Variants in ATP9B observed in about 807,000 individuals in gnomAD.
The protein encoded by ATP9B is probable phospholipid-transporting ATPase IIB.
A neutral mutation model predicts 146.1 loss-of-function variants in ATP9B; 110 were observed. That is an observed-to-expected ratio of 0.75 (90% CI 0.65 to 0.88). The LOEUF is 0.88. ATP9B is among the 40% of genes least tolerant of loss of function. The probability of loss-of-function intolerance (pLI) is 0.00; values close to 1 mark genes in which losing one functional copy is unlikely to be tolerated. For missense variants in ATP9B, 1,499 were observed against 1,496.4 expected (o/e 1.00, Z -0.03); for synonymous variants, 604 against 569.7 (o/e 1.06, Z -0.86).
intron 15 of ATP9B, among the ~76,000 whole-genome samples, chr18:79,320,209 A>G (rs184017215): frequency 1.3e-5 from 2 of 152,360 alleles, no homozygotes; most frequent in Non-Finnish European, 2.9e-5. Context: ...ATCGGTGAGC[A>G]CAGTGCACCT....
At chr18:79,316,518 A>G (rs1217582931) in intron 15 of ATP9B, among the ~76,000 whole-genome samples, 1 of 152,096 alleles carries the variant, frequency 6.6e-6, no homozygotes, top group East Asian at 1.9e-4. Flanking sequence ...ACCTCAAAGA[A>G]GCTGTGGCAA....
chr18:79,114,358 G>C (rs1416076243), intron 4 of ATP9B, among the ~76,000 whole-genome samples: 3 of 152,166 alleles, frequency 2.0e-5, no homozygotes, highest in African/African-American at 7.2e-5. Flanking sequence ...AGTGAAAGAA[G>C]AGTGCAGTCC....
At chr18:79,261,741 T>G (rs913410182) in intron 12 of ATP9B, among the ~76,000 whole-genome samples, 2 of 152,198 alleles carry the variant, frequency 1.3e-5, no homozygotes, top group Non-Finnish European at 2.9e-5. Flanking sequence ...AAGGGTGAGA[T>G]GCTGCAGTGC....
chr18:79,296,762 G>T (rs1325756002), intron 13 of ATP9B, among the ~76,000 whole-genome samples: 1 of 152,196 alleles, frequency 6.6e-6, no homozygotes, highest in East Asian at 1.9e-4. Context: ...TTTTTTGGCT[G>T]CTATTTAGGA....
chr18:79,149,363 G>A (rs900298745), intron 6 of ATP9B, among the ~76,000 whole-genome samples: 5 of 152,066 alleles, frequency 3.3e-5, no homozygotes, highest in Non-Finnish European at 7.4e-5. Flanking sequence ...AGACAAAGGT[G>A]TGAAAACAAT....
At chr18:79,267,480 T>C (rs914963304) in intron 12 of ATP9B, among the ~76,000 whole-genome samples, 5 of 152,128 alleles carry the variant, frequency 3.3e-5, no homozygotes, top group Admixed American at 6.5e-5. Flanking sequence ...TTTGTGAATA[T>C]ATGTATTGGA....
chr18:79,184,995 C>A (rs2095292203), intron 8 of ATP9B, among the ~76,000 whole-genome samples: 2 of 150,836 alleles, frequency 1.3e-5, no homozygotes, highest in Admixed American at 6.6e-5. Flanking sequence ...AAAAAAAAAC[C>A]CAAAAAATCC....
rs779049127 is a variant in ATP9B, at chr18:79,330,051, G to A, written c.1975G>A (p.Ala659Thr). ...TAEITFYMKG[A>T]DVAMSPIVQY... is the part of the protein sequence containing the mutation. ...AGAAATCACATTCTACATGAAGGGC[G>A]CTGACGTGGCCATGTCTCCTATCGT... The change falls in exon 17 of 30, where the codon GCT (alanine) becomes ACT (threonine). Residue 659 changes from alanine (A) to threonine (T), a missense_variant. Ala to Thr is a moderately conservative substitution (Grantham distance 58). Transcript: ENST00000426216. 1 of 1,614,134 alleles carries A rather than the reference G, an allele frequency of 6.2e-7. No homozygotes were observed. Among genetic ancestry groups the A allele is most frequent in the Non-Finnish European group, 8.5e-7 (1 of 1,180,002 alleles).
At chr18:79,285,162 T>C (rs1481968978) in intron 13 of ATP9B, among the ~76,000 whole-genome samples, 1 of 151,366 alleles carries the variant, frequency 6.6e-6, no homozygotes, top group Non-Finnish European at 1.5e-5. Context: ...GGTCAAATGG[T>C]ATTTCTAGTT....
chr18:79,322,517 C>G (rs1339283019), intron 15 of ATP9B, among the ~76,000 whole-genome samples: 1 of 152,206 alleles, frequency 6.6e-6, no homozygotes, highest in Non-Finnish European at 1.5e-5. Flanking sequence ...GGCAGTGGGG[C>G]CAAGTGGCTT....
At chr18:79,092,780 G>T (rs1346916022) in intron 1 of ATP9B, among the ~76,000 whole-genome samples, 1 of 151,636 alleles carries the variant, frequency 6.6e-6, no homozygotes, top group Non-Finnish European at 1.5e-5. Context: ...ACACGGAGCT[G>T]TCATCTCCTG....
intron 12 of ATP9B, among the ~76,000 whole-genome samples, chr18:79,257,304 A>T (rs2096092338): frequency 6.6e-6 from 1 of 152,166 alleles, no homozygotes; most frequent in African/African-American, 2.4e-5. Context: ...ACTCTGTCTC[A>T]AAAAAAGAAA....
chr18:79,374,671 T>A (rs757593483), intron 28 of ATP9B, among the ~76,000 whole-genome samples: 28 of 152,264 alleles, frequency 1.8e-4, no homozygotes, highest in Non-Finnish European at 3.4e-4. Flanking sequence ...AGTGCCTGAG[T>A]GTCCATGCAG....
At position 79,186,052 on chromosome 18, in the gene ATP9B, C is replaced by T. The variant is rs566337585; in HGVS notation, c.874-7131C>T. 3.9e-5 allele frequency among the ~76,000 whole-genome samples: 6 copies of T among 152,190 alleles called. No homozygotes were observed. In the East Asian group the frequency reaches 7.7e-4, roughly 20 times the overall value. ...GCTGTCTGGAGGCACAGTTTTCAGG[C>T]GTTGTAGACATTTGGGAAATATGTT... On this transcript the variant is annotated intron_variant, in intron 8 of 29. Coordinates refer to ENST00000426216, the MANE Select transcript of ATP9B (RefSeq NM_198531.5).
intron 6 of ATP9B, among the ~76,000 whole-genome samples, chr18:79,150,996 G>A (rs2094680795): frequency 6.6e-6 from 1 of 152,188 alleles, no homozygotes; most frequent in Non-Finnish European, 1.5e-5. Context: ...TTAGAAGTAT[G>A]TTATTCAAAA....
chr18:79,228,776 C>T (rs1015721948), intron 11 of ATP9B, among the ~76,000 whole-genome samples: 1 of 152,122 alleles, frequency 6.6e-6, no homozygotes, highest in African/African-American at 2.4e-5. Context: ...TGTAATCCCA[C>T]CACTTTGGGA....
intron 26 of ATP9B, 168 bp downstream of exon 26, chr18:79,359,630 C>A: frequency 1.7e-6 from 1 of 605,860 alleles, no homozygotes; most frequent in South Asian, 2.0e-5. Flanking sequence ...GGCATTTTCT[C>A]TTTGAGTTAA....
chr18:79,106,168 A>G lies in ATP9B; in HGVS notation c.294-4187A>G, dbSNP rs566165035. Among the ~76,000 whole-genome samples, 9 of 152,314 alleles carry G rather than the reference A, an allele frequency of 5.9e-5. No individual in the cohort carries two copies. In the East Asian group the frequency reaches 7.7e-4, roughly 13 times the overall value. On this transcript the variant is annotated intron_variant, in intron 2 of 29. Coordinates refer to ENST00000426216, the MANE Select transcript of ATP9B (RefSeq NM_198531.5). ...GACTTGATGATGTAAGGCAATTTAA[A>G]TATAAGGGGGAAAGTGTTCCTGAAT... is the stretch of plus-strand genomic sequence containing the variant.
In ATP9B at chr18:79,359,471, C is replaced by T. The variant is rs1265839973; in HGVS notation, c.3012+9C>T. On this transcript the variant is annotated intron_variant, in intron 26 of 29. Coordinates refer to ENST00000426216, the MANE Select transcript of ATP9B (RefSeq NM_198531.5). ...ACAAGGACCTCACCAAGGTACGGGC[C>T]TCAGGCAAGCTGTCTGCCTCACGAC... 1 of 1,598,686 alleles carries T rather than the reference C, an allele frequency of 6.3e-7. No homozygotes were observed. Among genetic ancestry groups the T allele is most frequent in the East Asian group, 2.2e-5 (1 of 44,810 alleles).
Sources: gnomAD v4.1 joint callset for allele counts (sites outside exome capture counted in the v4.1 genomes callset) on GRCh38, gnomAD v4.1.1 for gene constraint, MANE v1.5 for transcripts, NCBI Gene and HGNC (gene_info 2026-07-23, HGNC 2026-07-21) for gene names.